The following RALYL variants were observed in gnomAD, a reference collection of about 807,000 sequenced individuals.
RALYL encodes the protein RALY RNA binding protein like.
In RALYL, 29 loss-of-function variants were observed where a neutral mutation model predicts 35.1. That is an observed-to-expected ratio of 0.83 (90% CI 0.61 to 1.13). The LOEUF is 1.13. Among genes scored for constraint, RALYL ranks in the 50% most tolerant of loss-of-function variants. The pLI, the probability that RALYL is intolerant of heterozygous loss-of-function variation, is 0.00. For synonymous variants in RALYL, 120 were observed against 127.6 expected (o/e 0.94, Z 0.40); for missense variants, 359 against 360.4 (o/e 1.00, Z 0.03).
At chr8:84,634,056 T>C (rs1170105646) in intron 2 of RALYL, among the ~76,000 whole-genome samples, 9 of 151,918 alleles carry the variant, frequency 5.9e-5, no homozygotes, top group Non-Finnish European at 4.4e-5. Context: ...ACTGTACTTA[T>C]AAAGATCACA....
At chr8:84,847,958 A>G (rs1303756815) in intron 4 of RALYL, among the ~76,000 whole-genome samples, 1 of 152,254 alleles carries the variant, frequency 6.6e-6, no homozygotes, top group Non-Finnish European at 1.5e-5. Context: ...ATGAGGAGCT[A>G]TAAATAAATC....
intron 2 of RALYL, among the ~76,000 whole-genome samples, chr8:84,568,928 T>C (rs1224787172): frequency 6.6e-6 from 1 of 151,438 alleles, no homozygotes; most frequent in Non-Finnish European, 1.5e-5. Flanking sequence ...TTTGAGTTCA[T>C]TGTAGATTCT....
chr8:84,682,808 T>C (rs1835866939), intron 2 of RALYL, among the ~76,000 whole-genome samples: 1 of 152,086 alleles, frequency 6.6e-6, no homozygotes, highest in African/African-American at 2.4e-5. Context: ...GATTCATTGA[T>C]TTTTTGATGG....
intron 1 of RALYL, among the ~76,000 whole-genome samples, chr8:84,441,761 AG>A (rs1462749873): frequency 2.6e-5 from 4 of 152,136 alleles, no homozygotes; most frequent in East Asian, 1.9e-4. Context: ...TGTTTATAAA[AG>A]TTTAGTAGCT....
chr8:84,272,776 T>C (rs2131967379), intron 1 of RALYL, among the ~76,000 whole-genome samples: 1 of 152,326 alleles, frequency 6.6e-6, no homozygotes, highest in Non-Finnish European at 1.5e-5. Context: ...GCACTTTGCT[T>C]GATAAGTTCA....
chr8:84,547,274 C>T (rs2135370780), intron 2 of RALYL, among the ~76,000 whole-genome samples: 1 of 152,084 alleles, frequency 6.6e-6, no homozygotes, highest in East Asian at 1.9e-4. Flanking sequence ...AGGTATTTAG[C>T]GTTATTTCTG....
chr8:84,365,450 C>A (rs1220259476), intron 1 of RALYL, among the ~76,000 whole-genome samples: 1 of 152,138 alleles, frequency 6.6e-6, no homozygotes, highest in Non-Finnish European at 1.5e-5. Context: ...ACATTGACTA[C>A]AATCTATAAA....
rs564756704 is a variant in RALYL, at chr8:84,555,108, A to G, written c.256+25531A>G. ...AGCCTGACCAACATGGTGAAACCCCACCTCTACTAAAAATACAAAAATTAG... is the reference window on the plus strand; with the variant it reads ...AGCCTGACCAACATGGTGAAACCCCGCCTCTACTAAAAATACAAAAATTAG... On this transcript the variant is annotated intron_variant, in intron 2 of 8. Transcript: ENST00000521268. Among the ~76,000 whole-genome samples, 270 of 152,010 alleles carry G rather than the reference A, an allele frequency of 1.8e-3. 1 individual carries two copies. Among genetic ancestry groups the G allele is most frequent in the Middle Eastern group, 3.4e-3 (1 of 294 alleles).
chr8:84,256,805 T>C (rs1831296923), intron 1 of RALYL, among the ~76,000 whole-genome samples: 1 of 152,040 alleles, frequency 6.6e-6, no homozygotes, highest in South Asian at 2.1e-4. Flanking sequence ...GAAACTGAAG[T>C]AGAAAGAGGT....
At chr8:84,314,255 A>T (rs1444306113) in intron 1 of RALYL, among the ~76,000 whole-genome samples, 1 of 152,098 alleles carries the variant, frequency 6.6e-6, no homozygotes, top group African/African-American at 2.4e-5. Flanking sequence ...CTTGACACGT[A>T]GGGATTATAA....
At chr8:84,309,781 T>C (rs1475599466) in intron 1 of RALYL, among the ~76,000 whole-genome samples, 1 of 152,088 alleles carries the variant, frequency 6.6e-6, no homozygotes, top group African/African-American at 2.4e-5. Context: ...CAGAGCTAAG[T>C]GGGTGTTTGT....
intron 1 of RALYL, among the ~76,000 whole-genome samples, chr8:84,400,499 A>G (rs2042778607): frequency 6.6e-6 from 1 of 152,208 alleles, no homozygotes; most frequent in Admixed American, 6.5e-5. Context: ...CATTAATTGA[A>G]GGGGCCAACA....
At chr8:84,468,750 G>A (rs924328752) in intron 1 of RALYL, among the ~76,000 whole-genome samples, 11 of 149,734 alleles carry the variant, frequency 7.3e-5, no homozygotes, top group Admixed American at 5.4e-4. Flanking sequence ...TTCCAACTTG[G>A]TTCCATTCTC....
intron 1 of RALYL, among the ~76,000 whole-genome samples, chr8:84,485,579 AAAAC>A (rs2054524310): frequency 6.6e-6 from 1 of 152,068 alleles, no homozygotes; most frequent in Admixed American, 6.6e-5. Flanking sequence ...AGACTGCCTC[AAAAC>A]AAACAAAACA....
At chr8:84,397,997 G>C (rs1205354663) in intron 1 of RALYL, among the ~76,000 whole-genome samples, 1 of 152,182 alleles carries the variant, frequency 6.6e-6, no homozygotes, top group East Asian at 1.9e-4. Flanking sequence ...AATTTCACTT[G>C]AGGTAAATAG....
chr8:84,767,349 A>G (rs1814343194), intron 2 of RALYL, among the ~76,000 whole-genome samples: 1 of 152,212 alleles, frequency 6.6e-6, no homozygotes, highest in Non-Finnish European at 1.5e-5. Flanking sequence ...AAAATTGGCT[A>G]AATTTTTGAG....
chr8:84,403,215 T>C (rs2043098868), intron 1 of RALYL, among the ~76,000 whole-genome samples: 1 of 152,162 alleles, frequency 6.6e-6, no homozygotes, highest in South Asian at 2.1e-4. Context: ...TTTGATGTTT[T>C]AGTTATGAAG....
chr8:84,274,852 T>G (rs1835044574), intron 1 of RALYL, among the ~76,000 whole-genome samples: 1 of 152,176 alleles, frequency 6.6e-6, no homozygotes. Context: ...ATATGGCATC[T>G]GAAAGAGACA....
intron 1 of RALYL, among the ~76,000 whole-genome samples, chr8:84,415,911 C>G (rs2044651234): frequency 6.6e-6 from 1 of 152,174 alleles, no homozygotes; most frequent in African/African-American, 2.4e-5. Context: ...CTTGTCAGTG[C>G]TCTCAGATAT....
Sources: gnomAD v4.1 joint callset for allele counts (sites outside exome capture counted in the v4.1 genomes callset) on GRCh38, gnomAD v4.1.1 for gene constraint, MANE v1.5 for transcripts, NCBI Gene and HGNC (gene_info 2026-07-23, HGNC 2026-07-21) for gene names.